The following HDAC9 variants were observed in gnomAD, a reference collection of about 807,000 sequenced individuals.
HDAC9 encodes the protein MEF-2 interacting transcription repressor (MITR) protein.
HDAC9 carries 41 observed loss-of-function variants against 139.4 expected under a neutral mutation model. The observed-to-expected ratio is 0.29, with a 90% CI of 0.23 to 0.38. HDAC9 has a LOEUF of 0.38. HDAC9 is among the 10% of genes least tolerant of loss of function. The pLI, the probability that HDAC9 is intolerant of heterozygous loss-of-function variation, is 1.00. For missense variants in HDAC9, 1,147 were observed against 1,297.0 expected, an observed-to-expected ratio of 0.88 and a Z score of 1.78; for synonymous variants, 517 against 476.2, an observed-to-expected ratio of 1.09 and a Z score of -1.12.
intron 6 of HDAC9, among the ~76,000 whole-genome samples, chr7:18,605,785 A>G (rs915768781): frequency 1.3e-5 from 2 of 152,090 alleles, no homozygotes; most frequent in Non-Finnish European, 2.9e-5. Context: ...GGTTCACGCT[A>G]TTCTCCTGCC....
intron 2 of HDAC9, among the ~76,000 whole-genome samples, chr7:18,572,921 T>A (rs1233285798): frequency 6.6e-6 from 1 of 152,236 alleles, no homozygotes; most frequent in Non-Finnish European, 1.5e-5. Context: ...TTATGGTTTG[T>A]TATGACTGCT....
At chr7:18,387,524 A>G (rs1460235740) in intron 1 of HDAC9, among the ~76,000 whole-genome samples, 1 of 152,194 alleles carries the variant, frequency 6.6e-6, no homozygotes, top group African/African-American at 2.4e-5. Flanking sequence ...ATGTCACTCC[A>G]AAAGTGATAC....
chr7:18,140,302 G>T (rs1785805004), intron 1 of HDAC9, among the ~76,000 whole-genome samples: 1 of 152,122 alleles, frequency 6.6e-6, no homozygotes, highest in Non-Finnish European at 1.5e-5. Flanking sequence ...TCCCATGGGA[G>T]ACAGAACTGG....
chr7:18,108,871 C>T (rs547919946), intron 1 of HDAC9, among the ~76,000 whole-genome samples: 67 of 152,222 alleles, frequency 4.4e-4, no homozygotes, highest in African/African-American at 1.5e-3. Flanking sequence ...CCTCCCTCCT[C>T]GGCCTCCCAA....
chr7:18,224,030 T>G lies in HDAC9; in HGVS notation c.25+61681T>G, dbSNP rs150208064. On this transcript the variant is annotated intron_variant, in intron 2 of 12. Coordinates refer to the HDAC9 transcript ENST00000417496. ...AAAATAGTATGTCTTTTAATTAACT[T>G]TTTTAGTAAAGCTGAATAGTTAACT... Among the ~76,000 whole-genome samples, 220 of 152,316 alleles carry G rather than the reference T, an allele frequency of 1.4e-3. 1 individual carries two copies. The highest frequency in any genetic ancestry group is 4.2e-3 in the African/African-American group (174 of 41,570).
At chr7:18,267,152 T>C (rs376993186) in intron 2 of HDAC9, among the ~76,000 whole-genome samples, 4 of 152,150 alleles carry the variant, frequency 2.6e-5, no homozygotes, top group Non-Finnish European at 4.4e-5. Flanking sequence ...TAGTGTAGTT[T>C]AGAAACATTA....
chr7:18,804,513 A>G (rs1187388372), intron 17 of HDAC9, among the ~76,000 whole-genome samples: 1 of 152,210 alleles, frequency 6.6e-6, no homozygotes, highest in African/African-American at 2.4e-5. Context: ...GGAAAGCTGC[A>G]TTGCATTTCA....
intron 1 of HDAC9, among the ~76,000 whole-genome samples, chr7:18,338,005 A>G (rs535727821): frequency 1.3e-5 from 2 of 151,882 alleles, no homozygotes; most frequent in Admixed American, 1.3e-4. Context: ...ATGCTTTGAA[A>G]AGTATAGAGC....
intron 12 of HDAC9, among the ~76,000 whole-genome samples, chr7:18,674,190 G>T (rs1010228257): frequency 2.6e-5 from 4 of 151,898 alleles, no homozygotes; most frequent in Non-Finnish European, 4.4e-5. Flanking sequence ...GCTTTCTCCA[G>T]CTACTAGTGA....
At chr7:18,904,767 A>G (rs372186197) in intron 22 of HDAC9, among the ~76,000 whole-genome samples, 72 of 151,588 alleles carry the variant, frequency 4.7e-4, no homozygotes, top group South Asian at 1.7e-3. Context: ...AGTAGAGACG[A>G]GGTTTCACCA....
intron 22 of HDAC9, among the ~76,000 whole-genome samples, chr7:18,901,187 CTGTA>C (rs1801670718): frequency 2.0e-5 from 3 of 148,916 alleles, no homozygotes; most frequent in African/African-American, 7.4e-5. Context: ...CTTTCTCTCT[CTGTA>C]TATATACTAT....
intron 1 of HDAC9, among the ~76,000 whole-genome samples, chr7:18,136,486 TGGAA>T (rs1181662208): frequency 7.2e-5 from 11 of 152,186 alleles, no homozygotes; most frequent in Non-Finnish European, 1.3e-4. Context: ...TTGTATAAGG[TGGAA>T]GGAAGGGATC....
intron 5 of HDAC9, among the ~76,000 whole-genome samples, chr7:18,593,168 A>G (rs1193835640): frequency 6.6e-6 from 1 of 152,118 alleles, no homozygotes; most frequent in Non-Finnish European, 1.5e-5. Context: ...TGATTTAAAT[A>G]AATAATACTG....
At chr7:18,741,681 C>T (rs1787471652) in intron 13 of HDAC9, among the ~76,000 whole-genome samples, 1 of 152,132 alleles carries the variant, frequency 6.6e-6, no homozygotes, top group Admixed American at 6.5e-5. Context: ...TTCTATAAGG[C>T]TATACCTTCC....
chr7:18,970,810 T>TAAAAA (rs142691189), intron 24 of HDAC9, among the ~76,000 whole-genome samples: 4 of 151,038 alleles, frequency 2.6e-5, no homozygotes, highest in Non-Finnish European at 4.4e-5. Flanking sequence ...GGAAAAAAGG[T>TAAAAA]AAAAAAAAGC....
At position 18,245,361 on chromosome 7, in the gene HDAC9, G is replaced by T. The variant is rs1305563841; in HGVS notation, c.25+83012G>T. Among the ~76,000 whole-genome samples, 4 of 152,092 alleles carry T rather than the reference G, an allele frequency of 2.6e-5. No individual in the cohort carries two copies. The East Asian group carries it at 7.7e-4, about 29-fold the overall frequency. On this transcript the variant is annotated intron_variant, in intron 2 of 12. Coordinates refer to the HDAC9 transcript ENST00000417496. ...CAACCCCTGACTTTTCTATGTATCT[G>T]GAAGCTCTTAGACACCCCAAGGGAT...
chr7:18,140,646 A>G (rs548445048), intron 1 of HDAC9, among the ~76,000 whole-genome samples: 2 of 152,334 alleles, frequency 1.3e-5, no homozygotes, highest in East Asian at 3.9e-4. Flanking sequence ...GATTTTTAAA[A>G]TAAGTTATTG....
chr7:18,117,318 C>T (rs888825692), intron 1 of HDAC9, among the ~76,000 whole-genome samples: 1 of 151,722 alleles, frequency 6.6e-6, no homozygotes, highest in Non-Finnish European at 1.5e-5. Flanking sequence ...AACCCCATCT[C>T]TACAAAAAAT....
chr7:18,977,921 C>CAG (rs1272987987), intron 25 of HDAC9, among the ~76,000 whole-genome samples: 22 of 36,966 alleles, frequency 6.0e-4, no homozygotes, highest in African/African-American at 1.3e-3. Flanking sequence ...GACAGACAGA[C>CAG]ACACACACAC....
Sources: allele counts gnomAD v4.1 joint callset (sites outside exome capture counted in the v4.1 genomes callset), GRCh38; gene constraint gnomAD v4.1.1; transcripts MANE v1.5; gene names NCBI Gene and HGNC (gene_info 2026-07-23, HGNC 2026-07-21).